The following XYLT1 variants were observed in gnomAD, a reference collection of about 807,000 sequenced individuals.
XYLT1 encodes beta-D-xylosyltransferase 1.
A neutral mutation model predicts 91.3 loss-of-function variants in XYLT1; 36 were observed. The observed-to-expected ratio is 0.39, with a 90% confidence interval of 0.30 to 0.52. XYLT1 has a LOEUF of 0.52. XYLT1 is among the 20% of genes least tolerant of loss of function. The probability of loss-of-function intolerance (pLI) is 0.68; values close to 1 mark genes in which losing one functional copy is unlikely to be tolerated. For missense variants in XYLT1, 1,242 were observed against 1,284.5 expected, an observed-to-expected ratio of 0.97 and a Z score of 0.51; for synonymous variants, 588 against 532.0, an observed-to-expected ratio of 1.11 and a Z score of -1.45.
In XYLT1 at chr16:17,117,951, C is replaced by T. The variant is rs781777176; in HGVS notation, c.2252G>A (p.Arg751Lys). The part of the protein sequence containing the change: ...EVGTDWDAKE[R>K]LFRNFGGLLG... Reference sequence around the variant, plus strand: ...AAGACCCCCAAAGTTGCGGAATAGCCTCTCCTTGGCATCCCAGTCAGTGCC... The same window carrying T: ...AAGACCCCCAAAGTTGCGGAATAGCTTCTCCTTGGCATCCCAGTCAGTGCC... Residue 751 changes from arginine to lysine, a missense_variant, in exon 11 of 12, where the codon AGG becomes AAG. Arg to Lys is a conservative substitution (Grantham distance 26, BLOSUM62 2). This residue lies in a region of XYLT1 where 511 missense variants were observed against 497.0 expected (regional missense o/e 1.03). Transcript: ENST00000261381. The T allele has an allele frequency of 6.2e-7, 1 of 1,612,776 alleles. No homozygotes were observed. Among genetic ancestry groups the T allele is most frequent in the South Asian group, 1.1e-5 (1 of 91,050 alleles).
chr16:17,350,040 A>AT (rs1418760233), intron 2 of XYLT1, among the ~76,000 whole-genome samples: 6 of 151,896 alleles, frequency 4.0e-5, no homozygotes, highest in Admixed American at 2.0e-4. Context: ...CACCCGGCTA[A>AT]TTTTTTTGTA....
chr16:17,355,035 A>C (rs1329965659), intron 2 of XYLT1: 1 of 152,520 alleles, frequency 6.6e-6, no homozygotes, highest in African/African-American at 2.4e-5. Flanking sequence ...AGACTGATGG[A>C]GCATCGTTTG....
chr16:17,117,520 A>C lies in XYLT1; in HGVS notation c.2557+126T>G, dbSNP rs1469283612. 6 of 969,474 alleles carry C rather than the reference A, an allele frequency of 6.2e-6. 1 individual carries two copies. Among genetic ancestry groups the C allele is most frequent in the East Asian group, 2.6e-5 (1 of 38,214 alleles). 60.1% of individuals were successfully genotyped at this position (969,474 alleles called of 1,614,324 possible). On this transcript the variant is annotated intron_variant, in intron 11 of 11. Coordinates refer to ENST00000261381, the MANE Select transcript of XYLT1 (RefSeq NM_022166.4). Reference sequence around the variant, plus strand: ...AAACACAGAGAAAAGTATTGAGAGCAAGGAGTGCTGTTCTGTGAGGCCGCT... The same window carrying C: ...AAACACAGAGAAAAGTATTGAGAGCCAGGAGTGCTGTTCTGTGAGGCCGCT...
intron 1 of XYLT1, among the ~76,000 whole-genome samples, chr16:17,468,922 C>T (rs1244276960): frequency 6.6e-6 from 1 of 152,180 alleles, no homozygotes; most frequent in Non-Finnish European, 1.5e-5. Flanking sequence ...GAACCCATCA[C>T]TATCAACTCC....
At chr16:17,249,010 C>T (rs1045623873) in intron 3 of XYLT1, among the ~76,000 whole-genome samples, 2 of 151,996 alleles carry the variant, frequency 1.3e-5, no homozygotes, top group African/African-American at 2.4e-5. Context: ...CATGAGCCAC[C>T]GCACCTGGCC....
At chr16:17,233,213 G>A (rs1461582164) in intron 3 of XYLT1, among the ~76,000 whole-genome samples, 1 of 152,192 alleles carries the variant, frequency 6.6e-6, no homozygotes, top group Non-Finnish European at 1.5e-5. Context: ...ATCCCCTGCC[G>A]GCTTCAAGGA....
intron 11 of XYLT1, among the ~76,000 whole-genome samples, chr16:17,114,377 G>A (rs1966847985): frequency 6.6e-6 from 1 of 152,178 alleles, no homozygotes; most frequent in Admixed American, 6.5e-5. Context: ...TTATGGCACT[G>A]AGCCCTCACT....
chr16:17,222,211 G>T (rs942153415), intron 3 of XYLT1, among the ~76,000 whole-genome samples: 5 of 152,192 alleles, frequency 3.3e-5, no homozygotes, highest in African/African-American at 2.4e-5. Context: ...TTATGTCACA[G>T]AAACATACTA....
At chr16:17,112,857 T>G (rs1311305396) in intron 11 of XYLT1, among the ~76,000 whole-genome samples, 1 of 152,168 alleles carries the variant, frequency 6.6e-6, no homozygotes, top group Non-Finnish European at 1.5e-5. Context: ...ATTCTTTTTT[T>G]GAGACGGAGT....
intron 2 of XYLT1, among the ~76,000 whole-genome samples, chr16:17,323,878 G>A (rs543387493): frequency 2.4e-4 from 36 of 152,290 alleles, no homozygotes; most frequent in African/African-American, 4.8e-4. Flanking sequence ...GTTCCGAAGC[G>A]CAGATAATAC....
chr16:17,344,197 G>A (rs773717782), intron 2 of XYLT1, among the ~76,000 whole-genome samples: 11 of 151,926 alleles, frequency 7.2e-5, no homozygotes, highest in Non-Finnish European at 1.5e-4. Context: ...TCACAACAAA[G>A]AATAATCCTG....
At chr16:17,122,131 T>G (rs2030083001) in intron 10 of XYLT1, among the ~76,000 whole-genome samples, 1 of 152,240 alleles carries the variant, frequency 6.6e-6, no homozygotes, top group Non-Finnish European at 1.5e-5. Flanking sequence ...ACAGTGGAAT[T>G]GCTGGATCAA....
At chr16:17,125,088 T>C (rs1417806159) in intron 10 of XYLT1, among the ~76,000 whole-genome samples, 3 of 152,230 alleles carry the variant, frequency 2.0e-5, no homozygotes, top group African/African-American at 7.2e-5. Context: ...TTTCTGGTAA[T>C]TCAGAGATTT....
intron 2 of XYLT1, among the ~76,000 whole-genome samples, chr16:17,356,600 A>C (rs2035298077): frequency 6.6e-6 from 1 of 152,142 alleles, no homozygotes; most frequent in African/African-American, 2.4e-5. Context: ...GCAAGGACCC[A>C]AGGTGGAGGA....
At chr16:17,281,359 C>T (rs1041494865) in intron 2 of XYLT1, among the ~76,000 whole-genome samples, 1 of 152,158 alleles carries the variant, frequency 6.6e-6, no homozygotes, top group Non-Finnish European at 1.5e-5. Flanking sequence ...GGGGTTGTGA[C>T]ACTGCTTGGC....
At chr16:17,166,678 T>C (rs1457667712) in intron 5 of XYLT1, among the ~76,000 whole-genome samples, 11 of 39,884 alleles carry the variant, frequency 2.8e-4, no homozygotes, top group Non-Finnish European at 4.2e-4. Context: ...TGTCCAGCTA[T>C]TTTTTTTTTT....
At chr16:17,421,772 A>G (rs1227384318) in intron 1 of XYLT1, among the ~76,000 whole-genome samples, 1 of 152,202 alleles carries the variant, frequency 6.6e-6, no homozygotes, top group African/African-American at 2.4e-5. Context: ...AAAATTAGGA[A>G]CAAAACAAAA....
intron 2 of XYLT1, among the ~76,000 whole-genome samples, chr16:17,326,319 C>T (rs1017830199): frequency 2.0e-5 from 3 of 152,216 alleles, no homozygotes; most frequent in African/African-American, 7.2e-5. Context: ...CCATTTTCCT[C>T]TCCCCCATCC....
intron 1 of XYLT1, among the ~76,000 whole-genome samples, chr16:17,388,718 G>A (rs184906385): frequency 5.9e-5 from 9 of 152,292 alleles, no homozygotes; most frequent in Admixed American, 2.6e-4. Context: ...AGGCAAAAAG[G>A]AGTTTTCTTT....
Sources: allele counts gnomAD v4.1 joint callset (sites outside exome capture counted in the v4.1 genomes callset), GRCh38; gene constraint gnomAD v4.1.1; regional missense constraint gnomAD v4.1.1; transcripts MANE v1.5; gene names NCBI Gene and HGNC (gene_info 2026-07-23, HGNC 2026-07-21).